Variants in NCAM2 observed in about 807,000 individuals in gnomAD.
NCAM2 encodes N-CAM-2.
Under a neutral mutation model 98.1 loss-of-function variants are expected in NCAM2, and 30 were observed. The observed-to-expected ratio is 0.31, with a 90% CI of 0.23 to 0.41. The LOEUF is 0.41. NCAM2 is among the 10% of genes least tolerant of loss of function. The probability of loss-of-function intolerance (pLI) is 1.00; values close to 1 mark genes in which losing one functional copy is unlikely to be tolerated. For missense variants in NCAM2, 867 were observed against 1,005.8 expected (o/e 0.86, Z 1.87); for synonymous variants, 368 against 342.4 (o/e 1.07, Z -0.83).
chr21:21,331,553 TATATACTCTATATACATATATATATAGAG>T, intron 6 of NCAM2, among the ~76,000 whole-genome samples: 1 of 15,220 alleles, frequency 6.6e-5, no homozygotes, highest in African/African-American at 2.0e-4. Flanking sequence ...TACATATATA[TATATACTCTATATACATATATATATAGAG>T]AGAGAGAGAG....
chr21:21,156,581 T>C (rs1437800779), intron 1 of NCAM2, among the ~76,000 whole-genome samples: 1 of 140,714 alleles, frequency 7.1e-6, no homozygotes, highest in Non-Finnish European at 1.6e-5. Flanking sequence ...AGATAGATTA[T>C]AGATAGATAG....
intron 1 of NCAM2, among the ~76,000 whole-genome samples, chr21:21,225,669 A>G (rs1223831445): frequency 6.6e-6 from 1 of 152,030 alleles, no homozygotes; most frequent in East Asian, 1.9e-4. Context: ...ATATCTTAAT[A>G]TTTACTCATA....
chr21:21,322,457 G>T (rs1004174649), intron 5 of NCAM2, among the ~76,000 whole-genome samples: 1 of 152,022 alleles, frequency 6.6e-6, no homozygotes, highest in Non-Finnish European at 1.5e-5. Flanking sequence ...TCCAAAAAAA[G>T]AAAACGTAAA....
chr21:21,118,301 G>A (rs939258041), intron 1 of NCAM2, among the ~76,000 whole-genome samples: 1 of 152,132 alleles, frequency 6.6e-6, no homozygotes, highest in Non-Finnish European at 1.5e-5. Context: ...GTCCTAACGA[G>A]TTATTTATTA....
intron 1 of NCAM2, among the ~76,000 whole-genome samples, chr21:21,131,881 G>A (rs1032011746): frequency 1.1e-4 from 16 of 152,156 alleles, no homozygotes; most frequent in Non-Finnish European, 1.9e-4. Context: ...AATAGAAAGT[G>A]TGTATTTATA....
At chr21:21,445,661 G>GA (rs533440749) in intron 12 of NCAM2, among the ~76,000 whole-genome samples, 78 of 151,870 alleles carry the variant, frequency 5.1e-4, no homozygotes, top group Non-Finnish European at 8.8e-4. Context: ...TACAACTCCT[G>GA]CTTTTTTTTT....
At chr21:21,137,784 AT>A (rs958559687) in intron 1 of NCAM2, among the ~76,000 whole-genome samples, 18 of 151,516 alleles carry the variant, frequency 1.2e-4, no homozygotes, top group Admixed American at 6.6e-4. Context: ...TGTAAGAGTG[AT>A]TTTTTTTTAG....
intron 12 of NCAM2, among the ~76,000 whole-genome samples, chr21:21,458,308 T>C (rs1982453525): frequency 1.3e-5 from 2 of 152,234 alleles, no homozygotes; most frequent in Non-Finnish European, 2.9e-5. Context: ...CAGGGCACAA[T>C]GTGCCCCCAG....
intron 8 of NCAM2, among the ~76,000 whole-genome samples, chr21:21,339,339 A>G (rs1283817862): frequency 6.6e-6 from 1 of 152,098 alleles, no homozygotes; most frequent in Non-Finnish European, 1.5e-5. Flanking sequence ...CTTTAACCAG[A>G]ATGCATTCAA....
intron 9 of NCAM2, among the ~76,000 whole-genome samples, chr21:21,392,030 A>T (rs2076392517): frequency 6.6e-6 from 1 of 152,144 alleles, no homozygotes; most frequent in Non-Finnish European, 1.5e-5. Flanking sequence ...CTGTGTGTGT[A>T]CAGATTATTT....
At chr21:21,227,088 A>G (rs943937352) in intron 1 of NCAM2, among the ~76,000 whole-genome samples, 4 of 152,036 alleles carry the variant, frequency 2.6e-5, no homozygotes, top group Admixed American at 6.6e-5. Flanking sequence ...AAAGTAAGGC[A>G]TAAGACAATG....
chr21:21,238,737 AG>A (rs1450478257), intron 1 of NCAM2, among the ~76,000 whole-genome samples: 1 of 152,170 alleles, frequency 6.6e-6, no homozygotes, highest in Non-Finnish European at 1.5e-5. Context: ...AATAAATATT[AG>A]GGCGATTTTC....
rs1028691860 is a variant in NCAM2 at position 21,324,386 on chromosome 21, C to T, written c.623C>T (p.Pro208Leu). 17 of 1,611,132 alleles carry T rather than the reference C, an allele frequency of 1.1e-5. No individual in the cohort carries two copies. Among genetic ancestry groups the T allele is most frequent in the Admixed American group, 3.3e-5 (2 of 59,916 alleles). The part of the protein sequence containing the change: ...FRDIIVIVNV[P>L]PAISMPQKSF... ...TCTGTATTCATCTCTCCTTCAGTGCCGCCAGCAATCTCAATGCCTCAGAAA... is the reference window on the plus strand; with the variant it reads ...TCTGTATTCATCTCTCCTTCAGTGCTGCCAGCAATCTCAATGCCTCAGAAA... The change falls in exon 6 of 18, where the codon CCG (proline) becomes CTG (leucine). Residue 208 changes from proline to leucine, a missense_variant. Physicochemically the swap from Pro to Leu is moderately conservative, Grantham distance 98. This residue lies in a region of NCAM2 where 447 missense variants were observed against 495.7 expected (regional missense o/e 0.90). Transcript: ENST00000400546.
chr21:21,197,548 T>A (rs1330998352), intron 1 of NCAM2, among the ~76,000 whole-genome samples: 1 of 152,156 alleles, frequency 6.6e-6, no homozygotes, highest in Admixed American at 6.6e-5. Context: ...CTCTGTTAAA[T>A]CTTCCAAGCA....
intron 8 of NCAM2, among the ~76,000 whole-genome samples, chr21:21,343,358 TACACACAC>T (rs71195322): frequency 5.8e-5 from 7 of 120,798 alleles, no homozygotes; most frequent in African/African-American, 8.9e-5. Flanking sequence ...TCTATACACA[TACACACAC>T]ACACACACAC....
chr21:21,422,345 T>C (rs1005469081), intron 11 of NCAM2, among the ~76,000 whole-genome samples: 9 of 152,116 alleles, frequency 5.9e-5, no homozygotes, highest in African/African-American at 2.2e-4. Context: ...CATTACTTGT[T>C]GGATGCAATG....
intron 1 of NCAM2, among the ~76,000 whole-genome samples, chr21:21,145,737 ACC>A (rs2067258833): frequency 6.6e-6 from 1 of 152,200 alleles, no homozygotes; most frequent in Non-Finnish European, 1.5e-5. Flanking sequence ...GATTTAGAAT[ACC>A]CAGTATGCAT....
At chr21:21,315,171 G>A (rs534262831) in intron 5 of NCAM2, among the ~76,000 whole-genome samples, 35 of 152,086 alleles carry the variant, frequency 2.3e-4, no homozygotes, top group Non-Finnish European at 4.4e-4. Flanking sequence ...TTACCTTTCA[G>A]TGACTGTCAG....
intron 1 of NCAM2, among the ~76,000 whole-genome samples, chr21:21,138,302 T>A (rs186301204): frequency 6.6e-6 from 1 of 152,146 alleles, no homozygotes. Flanking sequence ...CAAACCAGCA[T>A]TGCAGTACTT....
Sources: gnomAD v4.1 joint callset for allele counts (sites outside exome capture counted in the v4.1 genomes callset) on GRCh38, gnomAD v4.1.1 for gene constraint, gnomAD v4.1.1 regional missense constraint, MANE v1.5 for transcripts, NCBI Gene and HGNC (gene_info 2026-07-23, HGNC 2026-07-21) for gene names.